Variants in KLC1 observed in about 807,000 individuals in gnomAD.
The protein encoded by KLC1 is kinesin 2 60/70kDa.
In KLC1, 30 loss-of-function variants were observed where a neutral mutation model predicts 84.2. That is an observed-to-expected ratio of 0.36 (90% CI 0.27 to 0.48). The LOEUF (loss-of-function observed/expected upper bound fraction) is 0.48, where lower values mean the gene tolerates loss of function less well. Among genes scored for constraint, KLC1 ranks in the 20% least tolerant of loss-of-function variants. The pLI, the probability that KLC1 is intolerant of heterozygous loss-of-function variation, is 0.99. For missense variants in KLC1, 499 were observed against 805.4 expected (o/e 0.62, Z 4.60); for synonymous variants, 289 against 293.3 (o/e 0.99, Z 0.15).
At chr14:103,630,803 C>A (rs1443374662) in intron 1 of KLC1, among the ~76,000 whole-genome samples, 1 of 152,152 alleles carries the variant, frequency 6.6e-6, no homozygotes, top group Non-Finnish European at 1.5e-5. Flanking sequence ...GGAGGGTAGG[C>A]ACTCTAAAGA....
At chr14:103,649,886 G>A (rs1332913962) in intron 1 of KLC1, among the ~76,000 whole-genome samples, 3 of 152,016 alleles carry the variant, frequency 2.0e-5, no homozygotes, top group Admixed American at 1.3e-4. Context: ...TAGTAGAGAC[G>A]GGGTTTCACC....
intron 1 of KLC1, among the ~76,000 whole-genome samples, chr14:103,645,777 AGACAGAGTCTC>A (rs1368466166): frequency 9.1e-6 from 1 of 110,304 alleles, no homozygotes; most frequent in Non-Finnish European, 2.1e-5. Context: ...TTTTTTTTTG[AGACAGAGTCTC>A]GCTCTGTTGC....
At chr14:103,653,522 G>A (rs547927890) in intron 1 of KLC1, among the ~76,000 whole-genome samples, 8 of 152,098 alleles carry the variant, frequency 5.3e-5, no homozygotes, top group African/African-American at 7.2e-5. Context: ...GGGTTTCGCC[G>A]TGTTGGCCGG....
intron 15 of KLC1, chr14:103,695,290 G>T: frequency 1.5e-6 from 1 of 683,208 alleles, no homozygotes; most frequent in Non-Finnish European, 1.8e-6. Context: ...GCGAGTCCCT[G>T]TGTCTAGCAA....
In KLC1 at chr14:103,694,792, G is replaced by A. The variant is rs1283504505; in HGVS notation, c.1848+2367G>A. 8 of 985,368 alleles carry A rather than the reference G, an allele frequency of 8.1e-6. No homozygotes were observed. The highest frequency in any genetic ancestry group is 9.6e-6 in the Non-Finnish European group (8 of 829,948). 61.0% of individuals were successfully genotyped at this position (985,368 alleles called of 1,614,324 possible). ...CACCTTCAGCCTCTAGAAGCTCCCCGTGGGGCACGAAGGCTGGGGACAGAG... is the reference window on the plus strand; with the variant it reads ...CACCTTCAGCCTCTAGAAGCTCCCCATGGGGCACGAAGGCTGGGGACAGAG... On this transcript the variant is annotated intron_variant, in intron 15 of 16. Transcript: ENST00000334553. The surrounding 1 kb of genome is among the most constrained non-coding windows in gnomAD (Gnocchi z 4.5).
In KLC1 at chr14:103,650,386, A is replaced by C. The variant is rs180888937; in HGVS notation, c.-1-4178A>C. Among the ~76,000 whole-genome samples, 9 of 152,190 alleles carry C rather than the reference A, an allele frequency of 5.9e-5. No homozygotes were observed. In the East Asian group the frequency reaches 1.7e-3, roughly 29 times the overall value. Reference sequence around the variant, plus strand: ...CTTTATTGCATGCCCGTGGGTTGCTAGGCATTGTTTTGGCTGATTCCTTGT... The same window carrying C: ...CTTTATTGCATGCCCGTGGGTTGCTCGGCATTGTTTTGGCTGATTCCTTGT... On this transcript the variant is annotated intron_variant, in intron 1 of 16. Transcript: ENST00000334553.
rs1057470726 is a variant in KLC1, at chr14:103,687,357, T to C, written c.1781+146T>C. On this transcript the variant is annotated intron_variant, in intron 14 of 16. Transcript: ENST00000334553. ...TCTCACAACCGAAGGGTTTCATAGT[T>C]GCCACGTAGGTTTTTCCCAGGATAG... 43 of 803,068 alleles carry C rather than the reference T, an allele frequency of 5.4e-5. No individual in the cohort carries two copies. The African/African-American group carries it at 6.8e-4, about 13-fold the overall frequency. 49.7% of individuals were successfully genotyped at this position (803,068 alleles called of 1,614,324 possible).
At chr14:103,657,042 C>G (rs1276153891) in intron 2 of KLC1, among the ~76,000 whole-genome samples, 2 of 152,156 alleles carry the variant, frequency 1.3e-5, no homozygotes, top group Non-Finnish European at 2.9e-5. Flanking sequence ...TGCATTCTTA[C>G]TCTTGGTGGT....
chr14:103,667,397 G>T (rs1186169006), intron 5 of KLC1, among the ~76,000 whole-genome samples: 1 of 152,034 alleles, frequency 6.6e-6, no homozygotes, highest in African/African-American at 2.4e-5. Context: ...GTGAGCCACC[G>T]TGCCCAGCCT....
At chr14:103,698,871 A>C in intron 15 of KLC1, 1 of 1,607,200 alleles carries the variant, frequency 6.2e-7, no homozygotes, top group Non-Finnish European at 8.5e-7. Flanking sequence ...GGAGGGGGGC[A>C]GGTGGGGGGC....
intron 3 of KLC1, among the ~76,000 whole-genome samples, chr14:103,661,844 G>A (rs1455193675): frequency 6.6e-6 from 1 of 152,088 alleles, no homozygotes; most frequent in African/African-American, 2.4e-5. Context: ...CTCAAAGCGC[G>A]GGAGAAGGAT....
chr14:103,665,902 AG>A (rs1466052639), intron 5 of KLC1, among the ~76,000 whole-genome samples: 2 of 150,694 alleles, frequency 1.3e-5, no homozygotes, highest in Admixed American at 6.6e-5. Flanking sequence ...CCGTTGGTGG[AG>A]ATAGAGTATG....
Position 103,693,439 on chromosome 14 carries a change from G to GT in KLC1, c.1848+1015dup. ...GCACATTGACCCCTGGGCCTCTCGA[G>GT]TGCCAACCTAGATTTAGCTGTGCAG... On this transcript the variant is annotated intron_variant, in intron 15 of 16. Transcript: ENST00000334553. This position sits in a 1 kb window ranked among gnomAD's most constrained non-coding sequence, Gnocchi z 5.1. 1 of 1,496,792 alleles carries GT rather than the reference G, an allele frequency of 6.7e-7. No homozygotes were observed. Among genetic ancestry groups the GT allele is most frequent in the Non-Finnish European group, 8.9e-7 (1 of 1,124,082 alleles). 92.7% of individuals were successfully genotyped at this position (1,496,792 alleles called of 1,614,324 possible).
chr14:103,698,716 G>C (rs929648870), intron 15 of KLC1: 16 of 1,301,510 alleles, frequency 1.2e-5, no homozygotes, highest in Non-Finnish European at 1.1e-5. Flanking sequence ...GCTGTGCCAC[G>C]GCCCAGGCAG....
rs1567027213 is a variant in KLC1, at chr14:103,669,576, CTT to C, written c.865_866del (p.Leu289GlyfsTer13). The C allele has an allele frequency of 6.2e-7, 1 of 1,611,018 alleles. No homozygotes were observed. On this transcript the variant is annotated frameshift_variant, in exon 6 of 17. Transcript: ENST00000334553. LOFTEE classifies it high-confidence loss of function. ...GATGCCTTGGCTATTCGTGAGAAAA[CTT>C]TGGGCAAAGATCATCCTGCGGTTTG...
Position 103,654,646 on chromosome 14 carries a change from A to G in KLC1, c.82A>G (p.Thr28Ala), listed in dbSNP as rs2078706612. 1 of 1,614,218 alleles carries G rather than the reference A, an allele frequency of 6.2e-7. No homozygotes were observed. Among genetic ancestry groups the G allele is most frequent in the Non-Finnish European group, 8.5e-7 (1 of 1,180,012 alleles). ...KLTQDEIISKTKQVIQGLEAL... is the reference protein window; with the variant it reads ...KLTQDEIISKAKQVIQGLEAL... ...TACACAGGATGAAATTATTTCTAAG[A>G]CAAAGCAAGTAATTCAGGGGCTGGA... The change falls in exon 2 of 17, where the codon ACA (threonine) becomes GCA (alanine). Residue 28 changes from threonine (T) to alanine (A), a missense_variant. This residue lies in a region of KLC1 where 179 missense variants were observed against 264.2 expected (regional missense o/e 0.68). Transcript: ENST00000334553.
At position 103,678,477 on chromosome 14, in the gene KLC1, G is replaced by C. The variant is rs1164633145; in HGVS notation, c.1489-907G>C. On this transcript the variant is annotated intron_variant, in intron 12 of 16. Coordinates refer to ENST00000334553, the MANE Select transcript of KLC1 (RefSeq NM_001394837.1). Reference sequence around the variant, plus strand: ...AGGTGGGAGGATCCCTTGAGCTCAGGAGTTGGAAACCAGCCTGGGCAACAT... The same window carrying C: ...AGGTGGGAGGATCCCTTGAGCTCAGCAGTTGGAAACCAGCCTGGGCAACAT... 3.3e-5 allele frequency among the ~76,000 whole-genome samples: 5 copies of C among 151,726 alleles called. No homozygotes were observed. In the East Asian group the frequency reaches 9.7e-4, roughly 29 times the overall value.
intron 10 of KLC1, 41 bp downstream of exon 10, chr14:103,675,642 C>T (rs1252747831): frequency 1.9e-6 from 3 of 1,599,028 alleles, no homozygotes. Flanking sequence ...ATTGTATATA[C>T]TGCATTCAAG....
At chr14:103,685,344 G>A (rs1032043843) in intron 13 of KLC1, 23 of 1,257,702 alleles carry the variant, frequency 1.8e-5, no homozygotes, top group Non-Finnish European at 2.1e-5. Flanking sequence ...TACACCAAGT[G>A]TCAAGGAGAT....
Sources: allele counts gnomAD v4.1 joint callset (sites outside exome capture counted in the v4.1 genomes callset), GRCh38; gene constraint gnomAD v4.1.1; regional missense constraint gnomAD v4.1.1; non-coding constraint Gnocchi (gnomAD v3.1); transcripts MANE v1.5; gene names NCBI Gene and HGNC (gene_info 2026-07-23, HGNC 2026-07-21).